The following MYCBP2 variants were observed in gnomAD, a reference collection of about 807,000 sequenced individuals.
MYCBP2 encodes MYC binding protein 2, also known as E3 ubiquitin-protein ligase MYCBP2.
In MYCBP2, 120 loss-of-function variants were observed where a neutral mutation model predicts 525.3. The observed-to-expected ratio is 0.23, with a 90% CI of 0.20 to 0.27. The LOEUF (loss-of-function observed/expected upper bound fraction) is 0.27. Ranked by LOEUF, MYCBP2 falls within the 10% of genes least tolerant of loss-of-function variation. The probability of loss-of-function intolerance (pLI) is 1.00; values close to 1 mark genes in which losing one functional copy is unlikely to be tolerated. For missense variants in MYCBP2, 4,149 were observed against 5,657.1 expected (o/e 0.73, Z 8.55); for synonymous variants, 1,894 against 1,955.8 (o/e 0.97, Z 0.83).
At chr13:77,295,692 G>C (rs2078115031) in intron 2 of MYCBP2, among the ~76,000 whole-genome samples, 1 of 152,148 alleles carries the variant, frequency 6.6e-6, no homozygotes, top group Non-Finnish European at 1.5e-5. Context: ...TCTTCCTTCT[G>C]TCTAGATGTT....
intron 28 of MYCBP2, 91 bp from the exon 29 acceptor site, chr13:77,190,426 GA>G (rs1157279954): frequency 1.3e-6 from 1 of 766,250 alleles, no homozygotes; most frequent in African/African-American, 1.8e-5. Flanking sequence ...TTATGTCAAT[GA>G]AAATGATTCA....
intron 26 of MYCBP2, among the ~76,000 whole-genome samples, chr13:77,197,880 G>A (rs947856807): frequency 6.6e-6 from 1 of 152,142 alleles, no homozygotes; most frequent in East Asian, 1.9e-4. Flanking sequence ...CCAGACAATA[G>A]GAGGAGTGAG....
intron 24 of MYCBP2, 83 bp downstream of exon 24, chr13:77,206,570 C>A: frequency 8.5e-7 from 1 of 1,179,236 alleles, no homozygotes; most frequent in Non-Finnish European, 1.1e-6. Flanking sequence ...GACAGAATTA[C>A]ATATAAATTT....
At chr13:77,065,968 CA>C (rs1338794638) in intron 72 of MYCBP2, 23 bp downstream of exon 72, 4 of 1,585,700 alleles carry the variant, frequency 2.5e-6, no homozygotes, top group Non-Finnish European at 3.4e-6. Context: ...ACTTCACTGC[CA>C]AAACAGAAGA....
intron 19 of MYCBP2, 91 bp downstream of exon 19, chr13:77,225,344 A>T: frequency 6.5e-7 from 1 of 1,532,732 alleles, no homozygotes; most frequent in South Asian, 1.2e-5. Context: ...TTTAACACAC[A>T]GTTAACAGGC....
intron 4 of MYCBP2, among the ~76,000 whole-genome samples, chr13:77,278,195 CCT>C (rs1214355374): frequency 6.6e-6 from 1 of 152,102 alleles, no homozygotes; most frequent in African/African-American, 2.4e-5. Flanking sequence ...TTCCTTTTCC[CCT>C]GTTTTTTAAA....
At position 77,077,260 on chromosome 13, in the gene MYCBP2, C is replaced by G. The variant is rs754480042; in HGVS notation, c.11612G>C (p.Gly3871Ala). 2 of 1,614,040 alleles carry G rather than the reference C, an allele frequency of 1.2e-6. No individual in the cohort carries two copies. The highest frequency in any genetic ancestry group is 1.7e-5 in the Admixed American group (1 of 59,990). Residue 3871 changes from glycine (G) to alanine (A), a missense_variant, in exon 67 of 83, where the codon GGC (glycine) becomes GCC (alanine). Transcript: ENST00000544440. ...TTTTGTGCTTTCACCATCTTTCCAGCCCAGGACTTTGACTTGTCGAACTCT... is the reference window on the plus strand; with the variant it reads ...TTTTGTGCTTTCACCATCTTTCCAGGCCAGGACTTTGACTTGTCGAACTCT... ...TLRVRQVKVL[G>A]WKDGESTKIA...
Position 77,097,608 on chromosome 13 carries a change from C to A in MYCBP2, c.9546G>T (p.Met3182Ile). ...LATIKAASQNMIFPSPGSCAV... is the reference protein window; with the variant it reads ...LATIKAASQNIIFPSPGSCAV... ...CACAGGAACCAGGACTTGGAAAAAT[C>A]ATATTCTGGGAAGCAGCTTTGATAG... Residue 3182 changes from methionine to isoleucine, a missense_variant, in exon 56 of 83, where the codon ATG becomes ATT. Transcript: ENST00000544440. 6.2e-7 allele frequency: 1 copy of A among 1,613,546 alleles called. No homozygotes were observed.
At chr13:77,077,984 T>C (rs2042609507) in intron 66 of MYCBP2, 1 of 152,238 alleles carries the variant, frequency 6.6e-6, no homozygotes, top group African/African-American at 2.4e-5. Flanking sequence ...CTTGACACTA[T>C]TCCCTTCATA....
chr13:77,295,301 T>G (rs1432320615), intron 2 of MYCBP2, among the ~76,000 whole-genome samples: 2 of 152,050 alleles, frequency 1.3e-5, no homozygotes, highest in Non-Finnish European at 2.9e-5. Context: ...GCCCAGCTAA[T>G]TTTTGTATTT....
chr13:77,149,960 T>C (rs781757568), intron 47 of MYCBP2, among the ~76,000 whole-genome samples: 12 of 152,162 alleles, frequency 7.9e-5, no homozygotes, highest in Non-Finnish European at 1.3e-4. Flanking sequence ...ACCACAATCG[T>C]TACAAAACAC....
chr13:77,104,573 C>G (rs775136660), intron 55 of MYCBP2, among the ~76,000 whole-genome samples: 17 of 152,064 alleles, frequency 1.1e-4, no homozygotes, highest in African/African-American at 3.9e-4. Flanking sequence ...TAGGACATTT[C>G]TAGATGACCA....
chr13:77,224,226 T>C (rs768861901), intron 20 of MYCBP2, among the ~76,000 whole-genome samples: 1 of 152,180 alleles, frequency 6.6e-6, no homozygotes, highest in Non-Finnish European at 1.5e-5. Flanking sequence ...AAAATATATA[T>C]CAGCTTTTCT....
intron 3 of MYCBP2, among the ~76,000 whole-genome samples, chr13:77,282,337 G>A (rs1430207642): frequency 2.0e-5 from 3 of 151,796 alleles, no homozygotes; most frequent in Non-Finnish European, 4.4e-5. Context: ...TTGAACCCAG[G>A]AGGTGGAGGC....
At chr13:77,270,773 G>A (rs1197862349) in intron 5 of MYCBP2, among the ~76,000 whole-genome samples, 3 of 151,946 alleles carry the variant, frequency 2.0e-5, no homozygotes, top group Non-Finnish European at 4.4e-5. Flanking sequence ...TAAAATCTTA[G>A]CCATTATTTC....
At chr13:77,048,606 T>C (rs191986532) in intron 82 of MYCBP2, among the ~76,000 whole-genome samples, 524 of 152,252 alleles carry the variant, frequency 3.4e-3, no homozygotes, top group Non-Finnish European at 6.0e-3. Context: ...TCTCAGTGTA[T>C]GTTCTTAGGC....
In MYCBP2 at chr13:77,067,684, T is replaced by C. The variant is rs1451938195; in HGVS notation, c.12352A>G (p.Thr4118Ala). 1 of 1,614,182 alleles carries C rather than the reference T, an allele frequency of 6.2e-7. No homozygotes were observed. Among genetic ancestry groups the C allele is most frequent in the South Asian group, 1.1e-5 (1 of 91,076 alleles). ...GTTCCTTTGGCTTTTAGCTGTACAG[T>C]GAGTGCTTTGGCAATGCATCCTAGA... ...MFLGCIAKAL[T>A]VQLKAKGTTI... The change falls in exon 71 of 83, where the codon ACT (threonine) becomes GCT (alanine). Residue 4118 changes from threonine (T) to alanine (A), a missense_variant. Coordinates refer to ENST00000544440, the MANE Select transcript of MYCBP2 (RefSeq NM_015057.5).
At chr13:77,148,280 T>C (rs2154191265) in intron 47 of MYCBP2, among the ~76,000 whole-genome samples, 1 of 152,186 alleles carries the variant, frequency 6.6e-6, no homozygotes, top group African/African-American at 2.4e-5. Flanking sequence ...AAGAGAATTC[T>C]TTAACAGCCA....
rs1177066201 is a variant in MYCBP2 at position 77,045,005 on chromosome 13, A to G, written c.*373T>C. On this transcript the variant is annotated 3_prime_UTR_variant, in exon 83 of 83. Coordinates refer to ENST00000544440, the MANE Select transcript of MYCBP2 (RefSeq NM_015057.5). ...ACAGGATTACAAAAAGGCAGTATAC[A>G]ATAAACAATGATTATTTTTCTTTTT... 2 of 405,100 alleles carry G rather than the reference A, an allele frequency of 4.9e-6. No homozygotes were observed. The highest frequency in any genetic ancestry group is 4.2e-5 in the Admixed American group (1 of 23,938). The allele number at this position is 405,100 out of a possible 1,614,324, so 25.1% of individuals were successfully genotyped here.
Sources: gnomAD v4.1 joint callset for allele counts (sites outside exome capture counted in the v4.1 genomes callset) on GRCh38, gnomAD v4.1.1 for gene constraint, MANE v1.5 for transcripts, NCBI Gene and HGNC (gene_info 2026-07-23, HGNC 2026-07-21) for gene names.